The following VPS41 variants were observed in gnomAD, a reference collection of about 807,000 sequenced individuals.
The protein encoded by VPS41 is VPS41 subunit of HOPS complex.
In VPS41, 85 loss-of-function variants were observed where a neutral mutation model predicts 130.9. That is an observed-to-expected ratio of 0.65 (90% confidence interval 0.55 to 0.78). The LOEUF is 0.78. Ranked by LOEUF, VPS41 falls within the 30% of genes least tolerant of loss-of-function variation. The pLI, the probability that VPS41 is intolerant of heterozygous loss-of-function variation, is 0.00. For missense variants in VPS41, 874 were observed against 1,018.7 expected (o/e 0.86, Z 1.93); for synonymous variants, 335 against 332.9 (o/e 1.01, Z -0.07).
chr7:38,742,219 T>A, intron 24 of VPS41, 98 bp from the exon 25 acceptor site: 1 of 1,187,746 alleles, frequency 8.4e-7, no homozygotes, highest in Non-Finnish European at 1.2e-6. Context: ...AGATCAAAAG[T>A]AACTCAAAGA....
chr7:38,811,993 C>T (rs1784951534), intron 7 of VPS41, among the ~76,000 whole-genome samples: 1 of 151,988 alleles, frequency 6.6e-6, no homozygotes, highest in Non-Finnish European at 1.5e-5. Flanking sequence ...GTTCTGACTA[C>T]AATTAAGGTA....
intron 3 of VPS41, among the ~76,000 whole-genome samples, chr7:38,868,122 G>C (rs1376421205): frequency 6.6e-6 from 1 of 152,132 alleles, no homozygotes; most frequent in Non-Finnish European, 1.5e-5. Flanking sequence ...TCAATGGGGA[G>C]ATGAAACAGA....
At chr7:38,737,367 T>C (rs1795789782) in intron 25 of VPS41, among the ~76,000 whole-genome samples, 1 of 151,888 alleles carries the variant, frequency 6.6e-6, no homozygotes, top group African/African-American at 2.4e-5. Flanking sequence ...CAAGACTCCG[T>C]CTCAAAAAAA....
rs1272807844 is a variant in VPS41 at position 38,821,055 on chromosome 7, C to T, written c.384+148G>A. ...ATACACATTCTGTCTTCTTTCACAGCATCTAAATAGTATCCAGTACATCTG... is the reference window on the plus strand; with the variant it reads ...ATACACATTCTGTCTTCTTTCACAGTATCTAAATAGTATCCAGTACATCTG... On this transcript the variant is annotated intron_variant, in intron 6 of 28. Coordinates refer to ENST00000310301, the MANE Select transcript of VPS41 (RefSeq NM_014396.4). 3 of 616,152 alleles carry T rather than the reference C, an allele frequency of 4.9e-6. No homozygotes were observed. In the East Asian group the frequency reaches 8.2e-5, roughly 17 times the overall value. 38.2% of individuals were successfully genotyped at this position (616,152 alleles called of 1,614,324 possible).
rs1795512697 is a variant in VPS41, at chr7:38,725,104, T to C, written c.*1142A>G. ...TAGCTGGCATGCTGTCAGTACTCAC[T>C]AGCACCCTGTCCTTTCCCCAAAAAG... On this transcript the variant is annotated 3_prime_UTR_variant, in exon 29 of 29. Transcript: ENST00000310301. The C allele has an allele frequency of 6.6e-6, 1 of 152,276 alleles. No homozygotes were observed. Among genetic ancestry groups the C allele is most frequent in the African/African-American group, 2.4e-5 (1 of 41,460 alleles). The allele number at this position is 152,276 out of a possible 1,614,324, so 9.4% of individuals were successfully genotyped here.
At chr7:38,760,073 C>T (rs1013178955) in intron 17 of VPS41, among the ~76,000 whole-genome samples, 2 of 152,114 alleles carry the variant, frequency 1.3e-5, no homozygotes, top group African/African-American at 4.8e-5. Flanking sequence ...TGTGGTTCCC[C>T]GATTTGATCC....
intron 23 of VPS41, 112 bp from the exon 24 acceptor site, chr7:38,743,654 C>T (rs1795929240): frequency 7.9e-7 from 1 of 1,270,078 alleles, no homozygotes; most frequent in African/African-American, 1.5e-5. Context: ...TAAGACAAGG[C>T]TATTTTCTCA....
chr7:38,857,667 T>C (rs1786015094), intron 4 of VPS41, among the ~76,000 whole-genome samples: 1 of 152,158 alleles, frequency 6.6e-6, no homozygotes. Context: ...AGACCACATA[T>C]ACCCACTGTT....
At chr7:38,886,797 TG>T (rs1465544150) in intron 2 of VPS41, among the ~76,000 whole-genome samples, 1 of 152,132 alleles carries the variant, frequency 6.6e-6, no homozygotes, top group Non-Finnish European at 1.5e-5. Context: ...TACAGGCAGG[TG>T]CCCCTCTGGG....
chr7:38,765,350 T>A (rs372848400), intron 16 of VPS41, among the ~76,000 whole-genome samples: 11 of 152,020 alleles, frequency 7.2e-5, no homozygotes, highest in African/African-American at 2.7e-4. Flanking sequence ...ACAGAGAGAA[T>A]TGGAAAGAGA....
chr7:38,877,597 C>T (rs1192908059), intron 2 of VPS41, among the ~76,000 whole-genome samples: 1 of 152,130 alleles, frequency 6.6e-6, no homozygotes, highest in Non-Finnish European at 1.5e-5. Flanking sequence ...TTAAATGCCT[C>T]TCGAGCATTT....
In VPS41 at chr7:38,797,425, C is replaced by T. The variant is rs138326540; in HGVS notation, c.451-561G>A. Reference sequence around the variant, plus strand: ...ATAGTATCTAGGGTCTTTATTTTAACGGGAAGATTCTATCATTCAAAAAAC... The same window carrying T: ...ATAGTATCTAGGGTCTTTATTTTAATGGGAAGATTCTATCATTCAAAAAAC... On this transcript the variant is annotated intron_variant, in intron 7 of 28. Coordinates refer to ENST00000310301, the MANE Select transcript of VPS41 (RefSeq NM_014396.4). 1.6e-4 allele frequency among the ~76,000 whole-genome samples: 24 copies of T among 151,954 alleles called. 1 individual carries two copies. The Middle Eastern group carries it at 0.01, about 65-fold the overall frequency.
At chr7:38,742,877 C>A (rs1404080260) in intron 24 of VPS41, among the ~76,000 whole-genome samples, 4 of 151,780 alleles carry the variant, frequency 2.6e-5, no homozygotes, top group Admixed American at 2.6e-4. Flanking sequence ...AATGGGAGAC[C>A]CAATGCAAAC....
At chr7:38,889,573 A>AAAAAAAAAAAAAAAC (rs1562625397) in intron 2 of VPS41, among the ~76,000 whole-genome samples, 1 of 145,498 alleles carries the variant, frequency 6.9e-6, no homozygotes, top group Non-Finnish European at 1.5e-5. Context: ...AAAAAAAAAA[A>AAAAAAAAAAAAAAAC]ACCTTAAAAC....
intron 25 of VPS41, chr7:38,741,269 G>A (rs1259376479): frequency 3.4e-6 from 1 of 292,420 alleles, no homozygotes; most frequent in South Asian, 3.2e-5. Context: ...TAAATTAGAG[G>A]AAGAACAACA....
rs539009610 is a variant in VPS41 at position 38,826,276 on chromosome 7, C to T, written c.321+3978G>A. The stretch of plus-strand genomic sequence containing the variant: ...GCAAGTTAGACATTGAATCTGTTTG[C>T]TAACCCAGGTTGAGGAAGAGATCTG... On this transcript the variant is annotated intron_variant, in intron 5 of 28. Coordinates refer to ENST00000310301, the MANE Select transcript of VPS41 (RefSeq NM_014396.4). 2.6e-5 allele frequency among the ~76,000 whole-genome samples: 4 copies of T among 152,294 alleles called. No homozygotes were observed. The South Asian group carries it at 8.3e-4, about 32-fold the overall frequency.
Position 38,907,316 on chromosome 7 carries a change from G to T in VPS41, c.21+1838C>A, listed in dbSNP as rs374948482. Reference sequence around the variant, plus strand: ...CTGCCTGGCTTTTTGAAGACTAAGAGAGCCAGTACAGCTGATGCAGAGTCA... The same window carrying T: ...CTGCCTGGCTTTTTGAAGACTAAGATAGCCAGTACAGCTGATGCAGAGTCA... On this transcript the variant is annotated intron_variant, in intron 1 of 28. Transcript: ENST00000310301. 2.6e-5 allele frequency among the ~76,000 whole-genome samples: 4 copies of T among 152,304 alleles called. No individual in the cohort carries two copies. The East Asian group carries it at 5.8e-4, about 22-fold the overall frequency.
rs1584364195 is a variant in VPS41 at position 38,737,087 on chromosome 7, A to T, written c.2259+4898T>A. Among the ~76,000 whole-genome samples, 3 of 152,152 alleles carry T rather than the reference A, an allele frequency of 2.0e-5. No homozygotes were observed. The South Asian group carries it at 6.2e-4, about 32-fold the overall frequency. ...TTATCTATCTTTAAAAAACTAAAAT[A>T]AAAACAGGCCAGGCGCGGTGGCTCA... On this transcript the variant is annotated intron_variant, in intron 25 of 28. Transcript: ENST00000310301.
chr7:38,780,191 T>C (rs1230163573), intron 10 of VPS41, among the ~76,000 whole-genome samples: 9 of 151,174 alleles, frequency 6.0e-5, no homozygotes, highest in Non-Finnish European at 1.0e-4. Flanking sequence ...GTTTTTGTTT[T>C]TTTTTTTTTG....
Sources: gnomAD v4.1 joint callset for allele counts (sites outside exome capture counted in the v4.1 genomes callset) on GRCh38, gnomAD v4.1.1 for gene constraint, MANE v1.5 for transcripts, NCBI Gene and HGNC (gene_info 2026-07-23, HGNC 2026-07-21) for gene names.